The following RSRC1 variants were observed in gnomAD, a reference collection of about 807,000 sequenced individuals.
The protein encoded by RSRC1 is serine/Arginine-related protein 53.
In RSRC1, 39 loss-of-function variants were observed where a neutral mutation model predicts 49.1. The observed-to-expected ratio is 0.79, with a 90% CI of 0.61 to 1.04. The LOEUF (loss-of-function observed/expected upper bound fraction) is 1.04. Ranked by LOEUF, RSRC1 falls within the 50% of genes least tolerant of loss-of-function variation. RSRC1 has a pLI of 0.00. For missense variants in RSRC1, 388 were observed against 402.4 expected (o/e 0.96, Z 0.31); for synonymous variants, 143 against 130.8 (o/e 1.09, Z -0.63).
chr3:158,257,200 G>A (rs776346462), intron 4 of RSRC1, among the ~76,000 whole-genome samples: 9 of 152,156 alleles, frequency 5.9e-5, no homozygotes, highest in Non-Finnish European at 1.2e-4. Context: ...GCTTTCTCTT[G>A]TGGGCATTTA....
intron 3 of RSRC1, among the ~76,000 whole-genome samples, chr3:158,155,192 A>G (rs1717787533): frequency 6.6e-6 from 1 of 152,054 alleles, no homozygotes; most frequent in African/African-American, 2.4e-5. Context: ...AGAATGGTGA[A>G]TTTTTTCCAG....
At chr3:158,448,515 C>T (rs1578492031) in intron 6 of RSRC1, among the ~76,000 whole-genome samples, 1 of 151,990 alleles carries the variant, frequency 6.6e-6, no homozygotes, top group African/African-American at 2.4e-5. Context: ...AAACTATCAG[C>T]TATTCACTTT....
Position 158,269,517 on chromosome 3 carries a change from G to C in RSRC1, c.495-28522G>C, listed in dbSNP as rs372259200. Among the ~76,000 whole-genome samples the C allele has an allele frequency of 1.4e-4, 22 of 151,746 alleles. No homozygotes were observed. The East Asian group carries it at 4.1e-3, about 28-fold the overall frequency. Reference sequence around the variant, plus strand: ...ATGCTTTTAGTATTTTCAGAAAACAGATTTTTTTTTTTTGGAGTCAGAGTC... The same window carrying C: ...ATGCTTTTAGTATTTTCAGAAAACACATTTTTTTTTTTTGGAGTCAGAGTC... On this transcript the variant is annotated intron_variant, in intron 4 of 9. Transcript: ENST00000611884.
chr3:158,162,020 T>C (rs1488829110), intron 3 of RSRC1, among the ~76,000 whole-genome samples: 1 of 152,130 alleles, frequency 6.6e-6, no homozygotes, highest in Non-Finnish European at 1.5e-5. Flanking sequence ...ATTTGTGTGT[T>C]TAGCTACGTG....
At chr3:158,304,371 T>C (rs1225578330) in intron 5 of RSRC1, among the ~76,000 whole-genome samples, 1 of 152,152 alleles carries the variant, frequency 6.6e-6, no homozygotes, top group East Asian at 1.9e-4. Flanking sequence ...ATAGTTCTAT[T>C]TAACACAAGC....
chr3:158,216,692 G>C (rs748912975), intron 4 of RSRC1, among the ~76,000 whole-genome samples: 2 of 151,470 alleles, frequency 1.3e-5, no homozygotes, highest in Admixed American at 1.3e-4. Flanking sequence ...TCAAATTATC[G>C]AATCTACCAT....
chr3:158,273,643 T>A (rs1425559827), intron 4 of RSRC1, among the ~76,000 whole-genome samples: 6 of 152,152 alleles, frequency 3.9e-5, no homozygotes, highest in Admixed American at 2.6e-4. Context: ...AGAACCTTTA[T>A]GAAAATGTCA....
chr3:158,332,954 A>G (rs969904260), intron 5 of RSRC1, among the ~76,000 whole-genome samples: 4 of 148,460 alleles, frequency 2.7e-5, no homozygotes, highest in African/African-American at 9.9e-5. Context: ...TCTCTTAGGG[A>G]TGCTTTTCTG....
Position 158,487,949 on chromosome 3 carries a change from G to GAAAAAAAA in RSRC1, c.652+26964_652+26971dup, listed in dbSNP as rs58689210. Among the ~76,000 whole-genome samples, 117 of 28,940 alleles carry GAAAAAAAA rather than the reference G, an allele frequency of 4.0e-3. 5 individuals carry two copies. The highest frequency in any genetic ancestry group is 6.5e-3 in the South Asian group (3 of 460). 19.0% of individuals were successfully genotyped at this position (28,940 alleles called of 152,430 possible). On this transcript the variant is annotated intron_variant, in intron 7 of 9. Coordinates refer to ENST00000611884, the MANE Select transcript of RSRC1 (RefSeq NM_001271838.2). ...TAGGAGACAAGAGACTCCATCTCAA[G>GAAAAAAAA]AAAAAAAAAAAAAAAAAAAAAAAAA... is the stretch of plus-strand genomic sequence containing the variant.
At chr3:158,477,329 A>G (rs1043108869) in intron 7 of RSRC1, among the ~76,000 whole-genome samples, 25 of 152,138 alleles carry the variant, frequency 1.6e-4, no homozygotes, top group African/African-American at 4.6e-4. Flanking sequence ...ATCACATGCT[A>G]TAGAGAACTC....
intron 4 of RSRC1, among the ~76,000 whole-genome samples, chr3:158,251,731 A>T (rs1345037483): frequency 3.3e-5 from 5 of 152,146 alleles, no homozygotes; most frequent in Non-Finnish European, 7.4e-5. Context: ...TCTTTAGGTT[A>T]TTCCAAATAC....
intron 4 of RSRC1, among the ~76,000 whole-genome samples, chr3:158,272,251 CT>C (rs1238355342): frequency 6.6e-6 from 1 of 152,012 alleles, no homozygotes; most frequent in Non-Finnish European, 1.5e-5. Context: ...AAAGAACGGC[CT>C]TATTGAATGG....
At chr3:158,219,964 G>T (rs531616400) in intron 4 of RSRC1, among the ~76,000 whole-genome samples, 2 of 151,700 alleles carry the variant, frequency 1.3e-5, no homozygotes, top group East Asian at 3.9e-4. Flanking sequence ...GGAGAAATGG[G>T]TATAGCACAG....
At chr3:158,388,394 C>T (rs1733076463) in intron 6 of RSRC1, among the ~76,000 whole-genome samples, 3 of 151,988 alleles carry the variant, frequency 2.0e-5, no homozygotes, top group African/African-American at 7.2e-5. Context: ...TCACCCTTTA[C>T]ATTATTTCAT....
At chr3:158,251,267 G>C (rs1280292593) in intron 4 of RSRC1, among the ~76,000 whole-genome samples, 5 of 152,026 alleles carry the variant, frequency 3.3e-5, no homozygotes, top group African/African-American at 1.2e-4. Context: ...CTCCAGTTTT[G>C]TTCTTTTTAT....
intron 5 of RSRC1, among the ~76,000 whole-genome samples, chr3:158,327,375 A>G (rs1729223263): frequency 6.6e-6 from 1 of 152,334 alleles, no homozygotes; most frequent in Middle Eastern, 3.4e-3. Context: ...ATTTAGTGCT[A>G]TAAATTCCCC....
At chr3:158,285,926 TATG>T (rs1726521912) in intron 4 of RSRC1, among the ~76,000 whole-genome samples, 1 of 152,202 alleles carries the variant, frequency 6.6e-6, no homozygotes, top group African/African-American at 2.4e-5. Context: ...CTTCCAACAC[TATG>T]TTGAATAGGA....
chr3:158,193,048 T>C (rs1720337198), intron 3 of RSRC1, among the ~76,000 whole-genome samples: 1 of 152,126 alleles, frequency 6.6e-6, no homozygotes, highest in Non-Finnish European at 1.5e-5. Context: ...AGTTAACTTC[T>C]TTCCTAGTGC....
chr3:158,538,063 A>G (rs1712815960), intron 8 of RSRC1, among the ~76,000 whole-genome samples: 1 of 151,788 alleles, frequency 6.6e-6, no homozygotes, highest in African/African-American at 2.4e-5. Flanking sequence ...AATTCCACCC[A>G]AAAGTTCAAA....
Sources: allele counts gnomAD v4.1 joint callset (sites outside exome capture counted in the v4.1 genomes callset), GRCh38; gene constraint gnomAD v4.1.1; transcripts MANE v1.5; gene names NCBI Gene and HGNC (gene_info 2026-07-23, HGNC 2026-07-21).